The following KAZN variants were observed in gnomAD, a reference collection of about 807,000 sequenced individuals.
The protein encoded by KAZN is kazrin, periplakin interacting protein, also known as kazrin.
KAZN carries 40 observed loss-of-function variants against 87.4 expected under a neutral mutation model. The observed-to-expected ratio is 0.46, with a 90% CI of 0.36 to 0.60. The LOEUF (loss-of-function observed/expected upper bound fraction) is 0.60, where lower values mean the gene tolerates loss of function less well. Among genes scored for constraint, KAZN ranks in the 20% least tolerant of loss-of-function variants. The pLI is 0.00. For synonymous variants in KAZN, 466 were observed against 458.3 expected (o/e 1.02, Z -0.22); for missense variants, 898 against 1,073.9 (o/e 0.84, Z 2.29).
intron 2 of KAZN, among the ~76,000 whole-genome samples, chr1:14,226,066 AAAC>A (rs1219639074): frequency 3.0e-4 from 46 of 152,116 alleles, no homozygotes; most frequent in Non-Finnish European, 7.4e-5. Context: ...ACAAAACAAC[AAAC>A]AACAAAACAA....
chr1:14,780,820 C>T (rs1048034852), intron 1 of KAZN, among the ~76,000 whole-genome samples: 1 of 152,146 alleles, frequency 6.6e-6, no homozygotes, highest in Non-Finnish European at 1.5e-5. Context: ...GAATTGAGTC[C>T]TGAGCTCCGC....
At chr1:14,209,662 G>A (rs1646813496) in intron 2 of KAZN, among the ~76,000 whole-genome samples, 1 of 152,118 alleles carries the variant, frequency 6.6e-6, no homozygotes, top group Non-Finnish European at 1.5e-5. Flanking sequence ...TACAGACCTG[G>A]ACCAAAGTTC....
intron 1 of KAZN, among the ~76,000 whole-genome samples, chr1:14,165,400 T>A (rs1448606936): frequency 6.6e-6 from 1 of 152,118 alleles, no homozygotes; most frequent in East Asian, 1.9e-4. Flanking sequence ...TAAAATGCAG[T>A]TTCCTTTTCC....
chr1:14,372,102 G>A (rs1038276476), intron 2 of KAZN, among the ~76,000 whole-genome samples: 46 of 152,158 alleles, frequency 3.0e-4, no homozygotes, highest in African/African-American at 1.1e-3. Flanking sequence ...TTCATAACAA[G>A]TAAAAGGAAT....
chr1:14,049,029 A>G (rs1034994659), intron 1 of KAZN, among the ~76,000 whole-genome samples: 1 of 152,218 alleles, frequency 6.6e-6, no homozygotes, highest in Non-Finnish European at 1.5e-5. Flanking sequence ...TGTTTATTGC[A>G]GCACTATTCA....
intron 2 of KAZN, among the ~76,000 whole-genome samples, chr1:14,455,759 A>G (rs10927438): frequency 0.5 from 75,646 of 151,906 alleles, 19,129 homozygotes; most frequent in Middle Eastern, 0.64. Context: ...AGTTACTCTA[A>G]CCAGAGGAAT....
chr1:14,937,525 G>C (rs1371257412), intron 1 of KAZN, among the ~76,000 whole-genome samples: 2 of 152,170 alleles, frequency 1.3e-5, no homozygotes, highest in African/African-American at 4.8e-5. Context: ...CAAGTCCCAG[G>C]TCAGCTTGTA....
intron 1 of KAZN, among the ~76,000 whole-genome samples, chr1:14,179,516 C>T (rs1159614429): frequency 1.3e-5 from 2 of 152,170 alleles, no homozygotes; most frequent in Non-Finnish European, 2.9e-5. Context: ...TCTTCAAAGT[C>T]CCTCTATTGT....
chr1:13,968,334 C>T (rs1399861194), intron 1 of KAZN, among the ~76,000 whole-genome samples: 1 of 152,144 alleles, frequency 6.6e-6, no homozygotes, highest in African/African-American at 2.4e-5. Flanking sequence ...GGGGGACAGA[C>T]CTCCTGGGTT....
chr1:14,113,120 C>T (rs577438483), intron 1 of KAZN, among the ~76,000 whole-genome samples: 1 of 151,108 alleles, frequency 6.6e-6, no homozygotes, highest in East Asian at 2.0e-4. Context: ...CTAGGAGGTG[C>T]TCCTTCCTTC....
intron 2 of KAZN, among the ~76,000 whole-genome samples, chr1:14,187,967 G>A (rs772281975): frequency 4.6e-5 from 7 of 151,884 alleles, no homozygotes; most frequent in Non-Finnish European, 7.4e-5. Context: ...CCAGCCTATG[G>A]GGGAAACACC....
At chr1:14,404,364 G>C (rs1251838238) in intron 2 of KAZN, among the ~76,000 whole-genome samples, 1 of 152,156 alleles carries the variant, frequency 6.6e-6, no homozygotes, top group Non-Finnish European at 1.5e-5. Flanking sequence ...CTCTTTGTTA[G>C]AAAAGAAATG....
intron 4 of KAZN, among the ~76,000 whole-genome samples, chr1:15,047,893 T>C (rs1673755924): frequency 6.6e-6 from 1 of 152,190 alleles, no homozygotes; most frequent in Non-Finnish European, 1.5e-5. Flanking sequence ...AAATCTTACC[T>C]CTGTGAGGTC....
chr1:14,602,098 G>A (rs943432144), intron 1 of KAZN, among the ~76,000 whole-genome samples: 7 of 152,154 alleles, frequency 4.6e-5, no homozygotes, highest in African/African-American at 1.7e-4. Context: ...GCAGTAGGTA[G>A]GTTGGTATCC....
chr1:14,917,633 T>C (rs937440535), intron 1 of KAZN, among the ~76,000 whole-genome samples: 4 of 152,184 alleles, frequency 2.6e-5, no homozygotes, highest in Non-Finnish European at 5.9e-5. Context: ...TTTCCATTTT[T>C]ACGGATGGAG....
At chr1:13,987,095 C>T (rs1266784327) in intron 1 of KAZN, among the ~76,000 whole-genome samples, 19 of 152,120 alleles carry the variant, frequency 1.2e-4, no homozygotes, top group Admixed American at 1.2e-3. Flanking sequence ...CAGAAGGGTT[C>T]CTGGGTGCTC....
intron 2 of KAZN, among the ~76,000 whole-genome samples, chr1:14,292,613 G>A (rs763968316): frequency 8.5e-5 from 13 of 152,288 alleles, no homozygotes; most frequent in East Asian, 5.8e-4. Flanking sequence ...CCCCATGGCC[G>A]GCTCTACCTC....
At chr1:14,871,507 G>A (rs1428501746) in intron 1 of KAZN, among the ~76,000 whole-genome samples, 1 of 151,978 alleles carries the variant, frequency 6.6e-6, no homozygotes. Context: ...TATCTCCATA[G>A]GGCGTGCCAC....
Position 15,041,014 on chromosome 1 carries a change from G to C in KAZN, c.556-2975G>C, listed in dbSNP as rs866103638. ...TGCCCAGGCTGGAGTGCAGTGGCAT[G>C]ATCTCCACTCACTGCAACTTCTGCC... On this transcript the variant is annotated intron_variant, in intron 3 of 14. Coordinates refer to ENST00000376030, the MANE Select transcript of KAZN (RefSeq NM_201628.3). Among the ~76,000 whole-genome samples, 13 of 151,992 alleles carry C rather than the reference G, an allele frequency of 8.6e-5. No homozygotes were observed. In the South Asian group the frequency reaches 2.7e-3, roughly 32 times the overall value.
Sources: allele counts gnomAD v4.1 joint callset (sites outside exome capture counted in the v4.1 genomes callset), GRCh38; gene constraint gnomAD v4.1.1; transcripts MANE v1.5; gene names NCBI Gene and HGNC (gene_info 2026-07-23, HGNC 2026-07-21).